The following NRG3 variants were observed in gnomAD, a reference collection of about 807,000 sequenced individuals.
The protein encoded by NRG3 is neuregulin 3, also known as pro-neuregulin-3, membrane-bound isoform.
In NRG3, 31 loss-of-function variants were observed where a neutral mutation model predicts 66.9. The observed-to-expected ratio is 0.46, with a 90% CI of 0.35 to 0.63. NRG3 has a LOEUF of 0.63. Ranked by LOEUF, NRG3 falls within the 20% of genes least tolerant of loss-of-function variation. The pLI, the probability that NRG3 is intolerant of heterozygous loss-of-function variation, is 0.00. For synonymous variants in NRG3, 393 were observed against 359.4 expected, an observed-to-expected ratio of 1.09 and a Z score of -1.06; for missense variants, 910 against 878.9, an observed-to-expected ratio of 1.04 and a Z score of -0.45.
chr10:82,959,759 T>G (rs762223974), intron 6 of NRG3, among the ~76,000 whole-genome samples: 2 of 152,208 alleles, frequency 1.3e-5, no homozygotes, highest in Non-Finnish European at 2.9e-5. Flanking sequence ...TCAATCCTTC[T>G]AATTCCAAGC....
In NRG3 at chr10:82,738,468, A is replaced by G. The variant is rs538946297; in HGVS notation, c.954-109A>G. On this transcript the variant is annotated intron_variant, in intron 2 of 8. Transcript: ENST00000372141. The stretch of plus-strand genomic sequence containing the variant: ...AGACTGAATCAAAAAATATGAAAGC[A>G]TGAATGTACTGTTCTCACATTTATG... 2.3e-5 allele frequency: 19 copies of G among 837,542 alleles called. No individual in the cohort carries two copies. In the African/African-American group the frequency reaches 2.9e-4, roughly 13 times the overall value. The allele number at this position is 837,542 out of a possible 1,614,324, so 51.9% of individuals were successfully genotyped here.
intron 2 of NRG3, among the ~76,000 whole-genome samples, chr10:82,731,102 C>T (rs1229084434): frequency 6.6e-6 from 1 of 152,090 alleles, no homozygotes; most frequent in Non-Finnish European, 1.5e-5. Flanking sequence ...TGCGGTGGCT[C>T]ACGTCTGTAA....
Position 82,374,082 on chromosome 10 carries a change from C to T in NRG3, c.953+15214C>T, listed in dbSNP as rs545167349. ...AGATAAACTGGATCAATGAAAAATA[C>T]GCTAAATACCTACCACTCTCATTTT... On this transcript the variant is annotated intron_variant, in intron 2 of 8. Transcript: ENST00000372141. Among the ~76,000 whole-genome samples, 51 of 152,268 alleles carry T rather than the reference C, an allele frequency of 3.3e-4. 2 individuals are homozygous for T. The South Asian group carries it at 5.4e-3, about 16-fold the overall frequency.
At chr10:82,084,699 A>G (rs1489427023) in intron 1 of NRG3, among the ~76,000 whole-genome samples, 1 of 152,044 alleles carries the variant, frequency 6.6e-6, no homozygotes, top group Admixed American at 6.5e-5. Context: ...CTTAGCTGTC[A>G]CTGTCAAATC....
At chr10:82,234,976 A>C (rs903075956) in intron 1 of NRG3, among the ~76,000 whole-genome samples, 1 of 152,268 alleles carries the variant, frequency 6.6e-6, no homozygotes, top group Non-Finnish European at 1.5e-5. Flanking sequence ...AAGGGGCTTC[A>C]TTTTAGTCTC....
At chr10:82,354,558 T>A (rs1053904565) in intron 1 of NRG3, among the ~76,000 whole-genome samples, 1 of 151,972 alleles carries the variant, frequency 6.6e-6, no homozygotes, top group African/African-American at 2.4e-5. Context: ...GCCTGGCTAA[T>A]TTTTTGTATT....
chr10:81,949,306 C>G (rs1474556355), intron 1 of NRG3, among the ~76,000 whole-genome samples: 1 of 152,158 alleles, frequency 6.6e-6, no homozygotes, highest in Admixed American at 6.5e-5. Flanking sequence ...TCCAGGAAGT[C>G]AAGGACTAAG....
chr10:81,927,978 A>G (rs1415470890), intron 1 of NRG3, among the ~76,000 whole-genome samples: 1 of 152,226 alleles, frequency 6.6e-6, no homozygotes, highest in African/African-American at 2.4e-5. Flanking sequence ...AGTGACTTTT[A>G]TTATAAATAA....
intron 2 of NRG3, among the ~76,000 whole-genome samples, chr10:82,390,452 G>A (rs985581616): frequency 6.6e-6 from 1 of 152,102 alleles, no homozygotes; most frequent in Non-Finnish European, 1.5e-5. Flanking sequence ...TCTTGAGGAA[G>A]AAGTATATTC....
intron 1 of NRG3, among the ~76,000 whole-genome samples, chr10:82,217,123 C>G (rs1434975801): frequency 2.6e-5 from 4 of 152,078 alleles, no homozygotes; most frequent in African/African-American, 9.7e-5. Flanking sequence ...CTGTTCATTT[C>G]CTAGGAAGGT....
At chr10:82,530,676 A>G (rs1258559891) in intron 2 of NRG3, among the ~76,000 whole-genome samples, 2 of 151,972 alleles carry the variant, frequency 1.3e-5, no homozygotes, top group Non-Finnish European at 2.9e-5. Context: ...ATTAAAAATT[A>G]TCCCTGCAAA....
intron 1 of NRG3, chr10:81,878,099 A>G (rs1452449451): frequency 1.3e-6 from 2 of 1,527,056 alleles, no homozygotes; most frequent in African/African-American, 2.8e-5. Context: ...GCCCAAGGTA[A>G]TTATTTCTAC....
intron 1 of NRG3, among the ~76,000 whole-genome samples, chr10:82,318,992 G>A (rs1365278646): frequency 6.6e-6 from 1 of 150,666 alleles, no homozygotes; most frequent in Admixed American, 6.6e-5. Flanking sequence ...AGAAAAAACA[G>A]ACCTCCCAAA....
chr10:82,457,951 C>T (rs531080378), intron 2 of NRG3, among the ~76,000 whole-genome samples: 7 of 152,236 alleles, frequency 4.6e-5, no homozygotes, highest in South Asian at 4.1e-4. Flanking sequence ...GCTTGATGCA[C>T]GTCAAAAAGA....
chr10:82,068,803 T>G (rs779963554), intron 1 of NRG3, among the ~76,000 whole-genome samples: 5 of 152,164 alleles, frequency 3.3e-5, no homozygotes, highest in Admixed American at 6.5e-5. Context: ...CACTAACATA[T>G]TTTGTTTTTT....
rs150317361 is a variant in NRG3, at chr10:82,061,208, G to A, written c.823+185045G>A. ...TCTACTAAAAGTACAAAAATTAGCCGGGCGTGGTGGCGGGTGCCTGTAATC... is the reference window on the plus strand; with the variant it reads ...TCTACTAAAAGTACAAAAATTAGCCAGGCGTGGTGGCGGGTGCCTGTAATC... On this transcript the variant is annotated intron_variant, in intron 1 of 8. Transcript: ENST00000372141. Among the ~76,000 whole-genome samples, 1,142 of 152,094 alleles carry A rather than the reference G, an allele frequency of 7.5e-3. 15 individuals are homozygous for A. The highest frequency in any genetic ancestry group is 0.025 in the African/African-American group (1,045 of 41,494).
At chr10:82,835,804 C>A (rs995469148) in intron 3 of NRG3, among the ~76,000 whole-genome samples, 2 of 152,090 alleles carry the variant, frequency 1.3e-5, no homozygotes, top group African/African-American at 4.8e-5. Context: ...GATCTCTGAA[C>A]CATTATTGGG....
intron 1 of NRG3, among the ~76,000 whole-genome samples, chr10:82,331,857 A>G (rs2082152301): frequency 6.6e-6 from 1 of 152,216 alleles, no homozygotes; most frequent in South Asian, 2.1e-4. Context: ...AACCCCTTCA[A>G]CATTTGGAAA....
Position 81,875,415 on chromosome 10 carries a change from C to T in NRG3, c.75C>T (p.Thr25=). The T allele has an allele frequency of 1.9e-6, 2 of 1,046,158 alleles. No homozygotes were observed. The highest frequency in any genetic ancestry group is 1.7e-5 in the African/African-American group (1 of 58,014). 64.8% of individuals were successfully genotyped at this position (1,046,158 alleles called of 1,614,324 possible). ...CCGCCGCCTCGGCCGAGGAGGGCAC[C>T]GCGGCGGCTGCGGCGGCGGCAGCGG... ...SAAAASAEEG[T]AAAAAAAAAG... is the part of the protein sequence containing the mutation. The change falls in exon 1 of 9, where the codon ACC becomes ACT. Residue 25 remains threonine (T), a synonymous_variant. Transcript: ENST00000372141. The surrounding 1 kb of genome is among the most constrained non-coding windows in gnomAD (Gnocchi z 5.3).
Sources: gnomAD v4.1 joint callset for allele counts (sites outside exome capture counted in the v4.1 genomes callset) on GRCh38, gnomAD v4.1.1 for gene constraint, Gnocchi (gnomAD v3.1) non-coding constraint, MANE v1.5 for transcripts, NCBI Gene and HGNC (gene_info 2026-07-23, HGNC 2026-07-21) for gene names.